ITPR2: variants seen among roughly 807,000 people sequenced by gnomAD.
The protein encoded by ITPR2 is inositol 1,4,5-trisphosphate receptor type 2.
A neutral mutation model predicts 317.1 loss-of-function variants in ITPR2; 207 were observed. That is an observed-to-expected ratio of 0.65 (90% confidence interval 0.58 to 0.73). The LOEUF (loss-of-function observed/expected upper bound fraction) is 0.73. Ranked by LOEUF, ITPR2 falls within the 30% of genes least tolerant of loss-of-function variation. The pLI, the probability that ITPR2 is intolerant of heterozygous loss-of-function variation, is 0.00. For missense variants in ITPR2, 2,613 were observed against 3,284.0 expected (o/e 0.80, Z 4.99); for synonymous variants, 1,156 against 1,149.1 (o/e 1.01, Z -0.12).
intron 55 of ITPR2, among the ~76,000 whole-genome samples, chr12:26,352,364 C>T (rs1938509333): frequency 6.6e-6 from 1 of 152,246 alleles, no homozygotes; most frequent in Non-Finnish European, 1.5e-5. Flanking sequence ...CACTCTTCCT[C>T]TAACCAGGCT....
intron 16 of ITPR2, among the ~76,000 whole-genome samples, 158 bp from the exon 17 acceptor site, chr12:26,658,288 T>A (rs764141233): frequency 1.3e-5 from 2 of 152,254 alleles, no homozygotes; most frequent in South Asian, 4.1e-4. Context: ...ATCTACTGCA[T>A]CATTAGAAAC....
At chr12:26,753,433 C>G (rs1265242066) in intron 2 of ITPR2, among the ~76,000 whole-genome samples, 2 of 152,108 alleles carry the variant, frequency 1.3e-5, no homozygotes, top group African/African-American at 2.4e-5. Context: ...AAAGGGGAAA[C>G]TTGAGAGCTG....
rs149461084 is a variant in ITPR2, at chr12:26,338,430, G to A, written c.*967C>T. The A allele has an allele frequency of 0.017, 2,523 of 152,440 alleles. 21 individuals are homozygous for A. The highest frequency in any genetic ancestry group is 0.082 in the Middle Eastern group (24 of 294). The allele number at this position is 152,440 out of a possible 1,614,324, so 9.4% of individuals were successfully genotyped here. On this transcript the variant is annotated 3_prime_UTR_variant, in exon 57 of 57. Coordinates refer to ENST00000381340, the MANE Select transcript of ITPR2 (RefSeq NM_002223.4). ...AGGAACAGCATACATAAAAACGCTC[G>A]GGTCCTGAAGCAATTCTTTAAGCAC...
At chr12:26,537,770 C>T (rs909410294) in intron 37 of ITPR2, among the ~76,000 whole-genome samples, 5 of 152,042 alleles carry the variant, frequency 3.3e-5, no homozygotes, top group African/African-American at 1.2e-4. Flanking sequence ...AATTAAAAAC[C>T]CAGCCAAAAG....
chr12:26,375,817 G>A (rs1056930800), intron 55 of ITPR2, among the ~76,000 whole-genome samples: 9 of 152,176 alleles, frequency 5.9e-5, no homozygotes, highest in Non-Finnish European at 1.0e-4. Flanking sequence ...CTATTCTCCT[G>A]GGATGCCCTA....
intron 1 of ITPR2, among the ~76,000 whole-genome samples, chr12:26,802,755 T>C (rs1337485011): frequency 6.6e-6 from 1 of 152,072 alleles, no homozygotes; most frequent in Non-Finnish European, 1.5e-5. Context: ...TGCTTTAAGA[T>C]ATACAAATTC....
At chr12:26,434,396 A>G (rs1411109147) in intron 48 of ITPR2, among the ~76,000 whole-genome samples, 7 of 152,184 alleles carry the variant, frequency 4.6e-5, no homozygotes, top group African/African-American at 1.4e-4. Context: ...TATTATAACT[A>G]TTATTGGCCA....
chr12:26,760,704 T>C (rs1046626613), intron 2 of ITPR2, among the ~76,000 whole-genome samples: 4 of 152,192 alleles, frequency 2.6e-5, no homozygotes, highest in Admixed American at 6.5e-5. Flanking sequence ...ATCTGTGTTC[T>C]GTGGTAGATG....
At chr12:26,561,545 T>C (rs993325087) in intron 35 of ITPR2, among the ~76,000 whole-genome samples, 1 of 152,310 alleles carries the variant, frequency 6.6e-6, no homozygotes, top group Non-Finnish European at 1.5e-5. Flanking sequence ...ACTACTATAC[T>C]ATCAAAACAG....
At chr12:26,678,428 GAA>G (rs34105410) in intron 13 of ITPR2, among the ~76,000 whole-genome samples, 1 of 148,494 alleles carries the variant, frequency 6.7e-6, no homozygotes, top group Non-Finnish European at 1.5e-5. Flanking sequence ...GAGAGAGAGA[GAA>G]AAAAAAAATT....
intron 21 of ITPR2, among the ~76,000 whole-genome samples, chr12:26,653,036 T>C (rs1192388807): frequency 6.6e-6 from 1 of 152,174 alleles, no homozygotes; most frequent in African/African-American, 2.4e-5. Flanking sequence ...AGGATATTGT[T>C]ATTACCATCT....
At chr12:26,777,369 C>T (rs1201865042) in intron 2 of ITPR2, among the ~76,000 whole-genome samples, 6 of 152,184 alleles carry the variant, frequency 3.9e-5, no homozygotes, top group Non-Finnish European at 7.3e-5. Flanking sequence ...TTGAAGAGGT[C>T]TGTAACTGCT....
intron 52 of ITPR2, among the ~76,000 whole-genome samples, chr12:26,406,184 G>A (rs1940342432): frequency 6.6e-6 from 1 of 152,096 alleles, no homozygotes; most frequent in Admixed American, 6.5e-5. Flanking sequence ...CATTAAGGCT[G>A]ACTGGTTTCT....
At chr12:26,464,789 T>A (rs948332165) in intron 45 of ITPR2, among the ~76,000 whole-genome samples, 1 of 152,090 alleles carries the variant, frequency 6.6e-6, no homozygotes, top group African/African-American at 2.4e-5. Flanking sequence ...GCAGGCGTGG[T>A]GTGCCATGGG....
intron 32 of ITPR2, among the ~76,000 whole-genome samples, chr12:26,589,859 C>T (rs1034270951): frequency 1.6e-3 from 40 of 25,182 alleles, no homozygotes; most frequent in Non-Finnish European, 4.9e-3. Flanking sequence ...TATATACACA[C>T]ACACACACAC....
chr12:26,532,698 T>G (rs544551868), intron 37 of ITPR2, among the ~76,000 whole-genome samples: 2 of 152,246 alleles, frequency 1.3e-5, no homozygotes, highest in South Asian at 4.1e-4. Context: ...ATTCTTTTTG[T>G]TTTTTTGGAG....
At chr12:26,693,973 A>G (rs1948286742) in intron 10 of ITPR2, among the ~76,000 whole-genome samples, 1 of 152,174 alleles carries the variant, frequency 6.6e-6, no homozygotes, top group Non-Finnish European at 1.5e-5. Flanking sequence ...CAAGAAAGCT[A>G]TCTCACTTGT....
chr12:26,696,279 C>G (rs1948348939), intron 9 of ITPR2, among the ~76,000 whole-genome samples: 1 of 152,138 alleles, frequency 6.6e-6, no homozygotes, highest in Non-Finnish European at 1.5e-5. Context: ...CCCACTTGTC[C>G]TTACAGTCTC....
At chr12:26,755,698 TAA>T (rs1034955380) in intron 2 of ITPR2, among the ~76,000 whole-genome samples, 1 of 152,238 alleles carries the variant, frequency 6.6e-6, no homozygotes, top group African/African-American at 2.4e-5. Flanking sequence ...TTTGCAATAC[TAA>T]GACACAATTG....
Sources: gnomAD v4.1 joint callset for allele counts (sites outside exome capture counted in the v4.1 genomes callset) on GRCh38, gnomAD v4.1.1 for gene constraint, MANE v1.5 for transcripts, NCBI Gene and HGNC (gene_info 2026-07-23, HGNC 2026-07-21) for gene names.